The following TCTN2 variants were observed in gnomAD, a reference collection of about 807,000 sequenced individuals.
TCTN2 encodes tectonic-2.
Under a neutral mutation model 83.4 loss-of-function variants are expected in TCTN2, and 66 were observed. The ratio of observed to expected loss-of-function variants is 0.79; its 90% CI spans 0.65 to 0.97. The LOEUF is 0.97. Among genes scored for constraint, TCTN2 ranks in the 50% least tolerant of loss-of-function variants. The pLI is 0.00. For missense variants in TCTN2, 794 were observed against 858.1 expected (o/e 0.93, Z 0.93); for synonymous variants, 301 against 326.7 (o/e 0.92, Z 0.85).
intron 14 of TCTN2, among the ~76,000 whole-genome samples, chr12:123,701,467 G>A (rs935916352): frequency 2.6e-5 from 4 of 152,032 alleles, no homozygotes; most frequent in African/African-American, 9.7e-5. Context: ...GGCTGGGCAC[G>A]GTGGCTCATA....
rs1956254402 is a variant in TCTN2, at chr12:123,708,088, A to G, written c.*375A>G. The stretch of plus-strand genomic sequence containing the variant: ...CAGTGCACAATCTCGGCTCACTGCA[A>G]TCTCTGCCTCCCAAGCAATCCTCCC... On this transcript the variant is annotated 3_prime_UTR_variant, in exon 18 of 18. Transcript: ENST00000303372. 1.6e-5 allele frequency: 4 copies of G among 248,378 alleles called. No individual in the cohort carries two copies. The highest frequency in any genetic ancestry group is 1.4e-4 in the South Asian group (3 of 21,908). 15.4% of individuals were successfully genotyped at this position (248,378 alleles called of 1,614,324 possible).
In TCTN2 at chr12:123,707,910, G is replaced by A. The variant is rs986488654; in HGVS notation, c.*197G>A. The A allele has an allele frequency of 3.5e-5, 20 of 568,122 alleles. No homozygotes were observed. The highest frequency in any genetic ancestry group is 2.6e-4 in the East Asian group (8 of 31,114). 35.2% of individuals were successfully genotyped at this position (568,122 alleles called of 1,614,324 possible). A position where few individuals can be genotyped will look rare whatever the true frequency, so the allele number is the denominator to read the frequency against. On this transcript the variant is annotated 3_prime_UTR_variant, in exon 18 of 18. Transcript: ENST00000303372. ...TTTTTAGTAGAGACAGGGTTCCACC[G>A]TATTGGCCAGGCTGCTCTCGAACTC... is the stretch of plus-strand genomic sequence containing the variant.
At chr12:123,687,765 C>T (rs959354171) in intron 6 of TCTN2, among the ~76,000 whole-genome samples, 4 of 152,038 alleles carry the variant, frequency 2.6e-5, no homozygotes, top group Non-Finnish European at 5.9e-5. Context: ...GAGTTCAAGA[C>T]GAGCCTGGGT....
At position 123,679,228 on chromosome 12, in the gene TCTN2, T is replaced by G; in HGVS notation, c.503T>G (p.Leu168Arg). The change falls in exon 5 of 18, where the codon CTT becomes CGT. Residue 168 changes from leucine (L) to arginine (R), a missense_variant. Coordinates refer to ENST00000303372, the MANE Select transcript of TCTN2 (RefSeq NM_024809.5). ...ATTCCTAACCAGGTGTATCAGCCCC[T>G]TGGCCCTTGTCCTTGTAATTTAACA... is the stretch of plus-strand genomic sequence containing the variant. The part of the protein sequence containing the change: ...TVIPNQVYQP[L>R]GPCPCNLTAG... The G allele has an allele frequency of 6.2e-7, 1 of 1,614,146 alleles. No homozygotes were observed. The highest frequency in any genetic ancestry group is 8.5e-7 in the Non-Finnish European group (1 of 1,179,988).
At chr12:123,676,307 G>A (rs1955820118) in intron 4 of TCTN2, among the ~76,000 whole-genome samples, 1 of 151,954 alleles carries the variant, frequency 6.6e-6, no homozygotes, top group Non-Finnish European at 1.5e-5. Context: ...GGTGGCTCAC[G>A]CCTGTAATCC....
chr12:123,704,840 A>G, intron 15 of TCTN2, 152 bp downstream of exon 15: 3 of 821,778 alleles, frequency 3.7e-6, no homozygotes, highest in African/African-American at 1.7e-5. Flanking sequence ...TGGAATATGT[A>G]CGAACTATGT....
intron 5 of TCTN2, among the ~76,000 whole-genome samples, chr12:123,683,423 G>T (rs1955924145): frequency 1.3e-5 from 2 of 151,500 alleles, no homozygotes; most frequent in Admixed American, 1.3e-4. Context: ...GGGATTACAG[G>T]AGTGAGCCAC....
In TCTN2 at chr12:123,705,412, C is replaced by T. The variant is rs369657259; in HGVS notation, c.1769+724C>T. Among the ~76,000 whole-genome samples, 522 of 152,250 alleles carry T rather than the reference C, an allele frequency of 3.4e-3. 2 individuals carry two copies. Among genetic ancestry groups the T allele is most frequent in the African/African-American group, 6.2e-3 (258 of 41,548 alleles). On this transcript the variant is annotated intron_variant, in intron 15 of 17. Transcript: ENST00000303372. ...TCCTGACCTCATGATCCGCCCGCCT[C>T]GGCCTCCCAAAGTGCTGGGATTACA...
rs1385195432 is a variant in TCTN2 at position 123,704,567 on chromosome 12, G to T, written c.1648G>T (p.Ala550Ser). 1.2e-6 allele frequency: 2 copies of T among 1,613,322 alleles called. No homozygotes were observed. Among genetic ancestry groups the T allele is most frequent in the Non-Finnish European group, 1.7e-6 (2 of 1,179,836 alleles). Residue 550 changes from alanine (A) to serine (S), a missense_variant, in exon 15 of 18, where the codon GCT (alanine) becomes TCT (serine). Physicochemically the swap from Ala to Ser is moderately conservative, Grantham distance 99. Coordinates refer to ENST00000303372, the MANE Select transcript of TCTN2 (RefSeq NM_024809.5). ...DAPDPGADPL[A>S]SSVNGMCLDI... is the part of the protein sequence containing the mutation. ...CCCTGATCCAGGTGCAGACCCGCTG[G>T]CTAGCAGTGTGAACGGCATGTGCCT...
At chr12:123,680,371 A>T (rs1012776338) in intron 5 of TCTN2, among the ~76,000 whole-genome samples, 2 of 143,286 alleles carry the variant, frequency 1.4e-5, no homozygotes, top group African/African-American at 5.2e-5. Context: ...AAAAAAAATC[A>T]CACAACTTTT....
rs762733832 is a variant in TCTN2 at position 123,671,652 on chromosome 12, G to A, written c.190+38G>A. 7.6e-6 allele frequency: 12 copies of A among 1,581,672 alleles called. No homozygotes were observed. In the African/African-American group the frequency reaches 1.5e-4, roughly 19 times the overall value. ...CCTCTTTTGGGGAGGGTGGGGGTTG[G>A]ACTGGATCCAGACCTCCCAAGGAGC... On this transcript the variant is annotated intron_variant, in intron 2 of 17. Coordinates refer to ENST00000303372, the MANE Select transcript of TCTN2 (RefSeq NM_024809.5).
chr12:123,683,481 G>A (rs1260670893), intron 5 of TCTN2, among the ~76,000 whole-genome samples: 2 of 151,462 alleles, frequency 1.3e-5, no homozygotes, highest in African/African-American at 4.8e-5. Context: ...GAGTTTTGCC[G>A]TGTTGGCCAG....
At position 123,671,310 on chromosome 12, in the gene TCTN2, TG is replaced by T. The variant is rs863225222; in HGVS notation, c.76del (p.Asp26ThrfsTer27). ...TCTGCAGGGCATCCTGAGGCTTCTG[TG>T]GGGGGACCTGGGTGTGTACGGCGCG... ...FLLQGILRLLWGDLAFIPPFI... is the reference protein window; with the variant it reads ...FLLQGILRLLXGDLAFIPPFI... On this transcript the variant is annotated frameshift_variant, in exon 1 of 18. Transcript: ENST00000303372. LOFTEE classifies it high-confidence loss of function. The T allele has an allele frequency of 8.7e-6, 14 of 1,613,452 alleles. No homozygotes were observed. The highest frequency in any genetic ancestry group is 1.2e-5 in the Non-Finnish European group (14 of 1,179,914).
At chr12:123,690,425 C>T (rs1459531236) in intron 7 of TCTN2, 108 bp from the exon 8 acceptor site, 2 of 1,486,298 alleles carry the variant, frequency 1.3e-6, no homozygotes, top group African/African-American at 1.4e-5. Flanking sequence ...TGAAACCAGA[C>T]CAGCAATGGG....
chr12:123,671,936 G>A (rs1160338565), intron 2 of TCTN2, 120 bp from the exon 3 acceptor site: 9 of 860,484 alleles, frequency 1.0e-5, no homozygotes, highest in Admixed American at 3.4e-5. Context: ...CCAGTGTCAA[G>A]CAGCTTGTAA....
chr12:123,698,396 G>T (rs1956135198), intron 13 of TCTN2, among the ~76,000 whole-genome samples: 1 of 151,272 alleles, frequency 6.6e-6, no homozygotes, highest in Non-Finnish European at 1.5e-5. Flanking sequence ...CATCCTAATA[G>T]ATACTAAGTG....
chr12:123,703,044 A>C (rs1956190046), intron 14 of TCTN2, among the ~76,000 whole-genome samples: 1 of 152,196 alleles, frequency 6.6e-6, no homozygotes, highest in Admixed American at 6.5e-5. Context: ...GACGAATGCA[A>C]ATTCATTTCT....
At chr12:123,671,670 C>T (rs1955754471) in intron 2 of TCTN2, 56 bp downstream of exon 2, 5 of 1,518,524 alleles carry the variant, frequency 3.3e-6, no homozygotes, top group Non-Finnish European at 4.5e-6. Context: ...CCAGACCTCC[C>T]AAGGAGCCTG....
Position 123,699,823 on chromosome 12 carries a change from C to T in TCTN2, c.1612+13C>T, listed in dbSNP as rs372353543. 43 of 1,606,810 alleles carry T rather than the reference C, an allele frequency of 2.7e-5. 1 individual carries two copies. Among genetic ancestry groups the T allele is most frequent in the South Asian group, 1.5e-4 (14 of 90,970 alleles). ...CTCGAAATAATACGTAAGTCAAACC[C>T]GGGTACAATAAAGCCTGTAACTTGG... On this transcript the variant is annotated intron_variant, in intron 14 of 17. Coordinates refer to ENST00000303372, the MANE Select transcript of TCTN2 (RefSeq NM_024809.5).
Sources: allele counts gnomAD v4.1 joint callset (sites outside exome capture counted in the v4.1 genomes callset), GRCh38; gene constraint gnomAD v4.1.1; transcripts MANE v1.5; gene names NCBI Gene and HGNC (gene_info 2026-07-23, HGNC 2026-07-21).